Variants in KCNQ1 observed in about 807,000 individuals in gnomAD.
KCNQ1 encodes potassium voltage-gated channel subfamily Q member 1, also known as potassium voltage-gated channel subfamily KQT member 1.
Under a neutral mutation model 72.4 loss-of-function variants are expected in KCNQ1, and 49 were observed. The ratio of observed to expected loss-of-function variants is 0.68; its 90% confidence interval spans 0.54 to 0.86. The LOEUF (loss-of-function observed/expected upper bound fraction) is 0.86. Ranked by LOEUF, KCNQ1 falls within the 40% of genes least tolerant of loss-of-function variation. The pLI is 0.00. For missense variants in KCNQ1, 790 were observed against 945.1 expected (o/e 0.84, Z 2.15); for synonymous variants, 450 against 412.6 (o/e 1.09, Z -1.10).
rs1014181049 is a variant in KCNQ1, at chr11:2,803,425, C to G, written c.1794+25388C>G. 2.6e-5 allele frequency among the ~76,000 whole-genome samples: 4 copies of G among 152,186 alleles called. No individual in the cohort carries two copies. Among genetic ancestry groups the G allele is most frequent in the African/African-American group, 9.7e-5 (4 of 41,448 alleles). On this transcript the variant is annotated intron_variant, in intron 15 of 15. Transcript: ENST00000155840. The surrounding 1 kb of genome is among the most constrained non-coding windows in gnomAD (Gnocchi z 6.4). The stretch of plus-strand genomic sequence containing the variant: ...ATGATATTCCCTCCAGACCACGGTG[C>G]CTTCTGGGCTCTGGAGAATGCACCT...
chr11:2,469,039 C>T (rs963947793), intron 1 of KCNQ1, among the ~76,000 whole-genome samples: 7 of 152,130 alleles, frequency 4.6e-5, no homozygotes, highest in African/African-American at 7.2e-5. Context: ...CAGCTCCGTG[C>T]GACAGCTCTA....
intron 15 of KCNQ1, among the ~76,000 whole-genome samples, chr11:2,802,723 C>T (rs1847291734): frequency 1.3e-5 from 2 of 152,136 alleles, no homozygotes; most frequent in South Asian, 4.1e-4. Context: ...AGGAAGGAGG[C>T]GTTTGCAGGG....
chr11:2,775,883 A>G (rs1846685173), intron 12 of KCNQ1, 77 bp from the exon 13 acceptor site: 1 of 1,419,658 alleles, frequency 7.0e-7, no homozygotes, highest in Non-Finnish European at 9.7e-7. Context: ...GAGGGCAGAC[A>G]CTGTCACTGC....
At position 2,588,817 on chromosome 11, in the gene KCNQ1, G is replaced by T. The variant is rs753619991; in HGVS notation, c.1356G>T (p.Arg452=). The part of the protein sequence containing the change: ...HITCDPPEER[R]LDHFSVDGYD... ...CGTGCGACCCCCCAGAAGAGCGGCG[G>T]CTGGACCACTTCTCTGTCGACGGCT... Residue 452 remains arginine, a synonymous_variant, in exon 10 of 16, where the codon CGG becomes CGT. Transcript: ENST00000155840. This position sits in a 1 kb window ranked among gnomAD's most constrained non-coding sequence, Gnocchi z 5.6. 6.2e-6 allele frequency: 10 copies of T among 1,612,916 alleles called. No homozygotes were observed. In the East Asian group the frequency reaches 2.0e-4, roughly 32 times the overall value.
intron 11 of KCNQ1, chr11:2,699,580 C>T (rs960344596): frequency 2.1e-5 from 5 of 243,762 alleles, no homozygotes; most frequent in South Asian, 2.8e-4. Context: ...GAGGAGCCCC[C>T]GGGGAGAACA....
intron 11 of KCNQ1, among the ~76,000 whole-genome samples, chr11:2,717,648 C>G (rs1002424236): frequency 5.9e-5 from 9 of 152,238 alleles, no homozygotes; most frequent in African/African-American, 2.2e-4. Context: ...GAAAGTTCCC[C>G]AGGCCCGTAT....
At position 2,451,154 on chromosome 11, in the gene KCNQ1, C is replaced by G. The variant is rs900210742; in HGVS notation, c.386+5670C>G. ...TTCCCCGTAGAGCAGCAGTCCCCAA[C>G]CTTTTTAGTACCAGAGACCTGTTTT... On this transcript the variant is annotated intron_variant, in intron 1 of 15. Coordinates refer to ENST00000155840, the MANE Select transcript of KCNQ1 (RefSeq NM_000218.3). This position sits in a 1 kb window ranked among gnomAD's most constrained non-coding sequence, Gnocchi z 6.4. Among the ~76,000 whole-genome samples, 2 of 152,174 alleles carry G rather than the reference C, an allele frequency of 1.3e-5. No homozygotes were observed. The highest frequency in any genetic ancestry group is 1.3e-4 in the Admixed American group (2 of 15,278).
rs187462629 is a variant in KCNQ1 at position 2,542,025 on chromosome 11, C to T, written c.477+14007C>T. On this transcript the variant is annotated intron_variant, in intron 2 of 15. Coordinates refer to ENST00000155840, the MANE Select transcript of KCNQ1 (RefSeq NM_000218.3). ...TGTCGCCGTGCCTGCTGTGGCTCTCCATGGCCCTGGAGCCTGGGATTGCAG... is the reference window on the plus strand; with the variant it reads ...TGTCGCCGTGCCTGCTGTGGCTCTCTATGGCCCTGGAGCCTGGGATTGCAG... 2.2e-3 allele frequency among the ~76,000 whole-genome samples: 342 copies of T among 152,336 alleles called. 1 individual carries two copies. The highest frequency in any genetic ancestry group is 2.8e-3 in the Non-Finnish European group (188 of 68,036).
chr11:2,636,324 T>C (rs1849464131), intron 10 of KCNQ1: 1 of 152,110 alleles, frequency 6.6e-6, no homozygotes, highest in Non-Finnish European at 1.5e-5. Context: ...TGTGGGTTTG[T>C]CATAAATAGC....
At chr11:2,586,988 C>G (rs1326462843) in intron 8 of KCNQ1, among the ~76,000 whole-genome samples, 2 of 152,172 alleles carry the variant, frequency 1.3e-5, no homozygotes, top group African/African-American at 4.8e-5. Context: ...GCCATGGGGT[C>G]TCTCTGAAAT....
intron 10 of KCNQ1, chr11:2,629,587 A>C (rs1382800891): frequency 1.3e-5 from 5 of 398,392 alleles, no homozygotes; most frequent in Non-Finnish European, 2.2e-5. Context: ...TTGAAAAGAG[A>C]ATCCATTTGC....
chr11:2,829,333 A>G (rs570409761), intron 15 of KCNQ1, among the ~76,000 whole-genome samples: 1 of 152,342 alleles, frequency 6.6e-6, no homozygotes, highest in South Asian at 2.1e-4. Flanking sequence ...AATGAAGGTG[A>G]TAGACTGCCA....
At position 2,723,362 on chromosome 11, in the gene KCNQ1, C is replaced by T. The variant is rs1414089054; in HGVS notation, c.1515-45482C>T. Reference sequence around the variant, plus strand: ...CCTCAAGACTCCTAGCAAGCCCCTCCGTCTCAGAGCCTTGGTGTCCCCATC... The same window carrying T: ...CCTCAAGACTCCTAGCAAGCCCCTCTGTCTCAGAGCCTTGGTGTCCCCATC... On this transcript the variant is annotated intron_variant, in intron 11 of 15. Transcript: ENST00000155840. The surrounding 1 kb of genome is among the most constrained non-coding windows in gnomAD (Gnocchi z 4.2). 2.0e-5 allele frequency among the ~76,000 whole-genome samples: 3 copies of T among 152,246 alleles called. No homozygotes were observed. The highest frequency in any genetic ancestry group is 4.4e-5 in the Non-Finnish European group (3 of 68,038).
chr11:2,719,139 C>T (rs1226542210), intron 11 of KCNQ1, among the ~76,000 whole-genome samples: 3 of 148,946 alleles, frequency 2.0e-5, no homozygotes, highest in African/African-American at 5.0e-5. Context: ...GGGTGCAGAG[C>T]TGACCTCCCA....
chr11:2,502,970 C>A (rs555156778), intron 1 of KCNQ1, among the ~76,000 whole-genome samples: 4 of 152,172 alleles, frequency 2.6e-5, no homozygotes, highest in African/African-American at 9.7e-5. Context: ...GCTGGGAAAA[C>A]TGGATGTCCA....
rs1200478916 is a variant in KCNQ1 at position 2,599,995 on chromosome 11, C to T, written c.1393+11141C>T. Among the ~76,000 whole-genome samples, 3 of 152,172 alleles carry T rather than the reference C, an allele frequency of 2.0e-5. No homozygotes were observed. The highest frequency in any genetic ancestry group is 6.5e-5 in the Admixed American group (1 of 15,270). On this transcript the variant is annotated intron_variant, in intron 10 of 15. Transcript: ENST00000155840. This position sits in a 1 kb window ranked among gnomAD's most constrained non-coding sequence, Gnocchi z 4.7. The stretch of plus-strand genomic sequence containing the variant: ...AGTGATGTAGCCAGGTTGTTTTTCT[C>T]GTTTTGTCTGACCTTGAATTCCACA...
At chr11:2,761,078 C>T (rs1002456319) in intron 11 of KCNQ1, among the ~76,000 whole-genome samples, 3 of 152,182 alleles carry the variant, frequency 2.0e-5, no homozygotes, top group East Asian at 1.9e-4. Context: ...TCAGATCACA[C>T]GTGGGCTTGG....
rs547491243 is a variant in KCNQ1, at chr11:2,549,321, G to A, written c.477+21303G>A. ...CATGTGGGCCAGGGTGCGGGGTGCG[G>A]GACAAACCTGGGTCCAGGCACCTGG... On this transcript the variant is annotated intron_variant, in intron 2 of 15. Coordinates refer to ENST00000155840, the MANE Select transcript of KCNQ1 (RefSeq NM_000218.3). This position sits in a 1 kb window ranked among gnomAD's most constrained non-coding sequence, Gnocchi z 6.2. 6.6e-6 allele frequency among the ~76,000 whole-genome samples: 1 copy of A among 152,294 alleles called. No individual in the cohort carries two copies. The highest frequency in any genetic ancestry group is 2.4e-5 in the African/African-American group (1 of 41,566).
rs1429028954 is a variant in KCNQ1, at chr11:2,623,970, C to T, written c.1393+35116C>T. ...ACCAAACTCTTCTCCACCAGGGCTG[C>T]ACCACTTTACATTCCCATTAATGGT... On this transcript the variant is annotated intron_variant, in intron 10 of 15. Coordinates refer to ENST00000155840, the MANE Select transcript of KCNQ1 (RefSeq NM_000218.3). The surrounding 1 kb of genome is among the most constrained non-coding windows in gnomAD (Gnocchi z 5.2). 5.0e-6 allele frequency: 2 copies of T among 398,530 alleles called. No individual in the cohort carries two copies. Among genetic ancestry groups the T allele is most frequent in the African/African-American group, 2.1e-5 (1 of 48,628 alleles). The allele number at this position is 398,530 out of a possible 1,614,324, so 24.7% of individuals were successfully genotyped here.
Sources: gnomAD v4.1 joint callset for allele counts (sites outside exome capture counted in the v4.1 genomes callset) on GRCh38, gnomAD v4.1.1 for gene constraint, Gnocchi (gnomAD v3.1) non-coding constraint, MANE v1.5 for transcripts, NCBI Gene and HGNC (gene_info 2026-07-23, HGNC 2026-07-21) for gene names.